ZNF454: variants seen among roughly 807,000 people sequenced by gnomAD.
The protein encoded by ZNF454 is zinc finger protein 454.
Under a neutral mutation model 48.2 loss-of-function variants are expected in ZNF454, and 30 were observed. The observed-to-expected ratio is 0.62, with a 90% CI of 0.47 to 0.84. The LOEUF (loss-of-function observed/expected upper bound fraction) is 0.84, where lower values mean the gene tolerates loss of function less well. Among genes scored for constraint, ZNF454 ranks in the 40% least tolerant of loss-of-function variants. The pLI is 0.00. For missense variants in ZNF454, 510 were observed against 623.1 expected (o/e 0.82, Z 1.93); for synonymous variants, 204 against 211.4 (o/e 0.97, Z 0.30).
downstream of ZNF454, among the ~76,000 whole-genome samples, chr5:178,967,939 C>T (rs758213878): frequency 1.3e-5 from 2 of 151,960 alleles, no homozygotes; most frequent in African/African-American, 2.4e-5. Context: ...TGGGGTTTCA[C>T]TATGTTGGCC....
At chr5:178,985,776 T>G in the ZNF454 span, 1 of 485,182 alleles carries the variant, frequency 2.1e-6, no homozygotes, top group Non-Finnish European at 4.0e-6. Flanking sequence ...TATCTTTTTG[T>G]TTTGAGACAG....
the ZNF454 span, chr5:178,981,420 TCCCAC>T: frequency 1.9e-6 from 1 of 519,992 alleles, no homozygotes; most frequent in Non-Finnish European, 3.5e-6. This position sits in a 1 kb window ranked among gnomAD's most constrained non-coding sequence, Gnocchi z 5.1. Flanking sequence ...GGTGGCTGTT[TCCCAC>T]CATGGGAAGC....
chr5:178,989,428 A>G, the ZNF454 span: 1 of 1,613,104 alleles, frequency 6.2e-7, no homozygotes, highest in Admixed American at 1.7e-5. Context: ...AAGAAGGGGG[A>G]GGGTGGCGCT....
the ZNF454 span, chr5:178,989,206 T>TCACCCCCCCCCCCCCCCC: frequency 9.2e-6 from 2 of 218,520 alleles, no homozygotes; most frequent in Non-Finnish European, 6.5e-6. Context: ...GCCTTCCCCC[T>TCACCCCCCCCCCCCCCCC]CCCCACCCTC....
downstream of ZNF454, among the ~76,000 whole-genome samples, chr5:178,970,453 G>A (rs188586297): frequency 2.1e-4 from 32 of 152,242 alleles, no homozygotes; most frequent in Middle Eastern, 3.4e-3. Flanking sequence ...ACCTCTCGGC[G>A]GTGCTGATGG....
chr5:178,969,676 C>T (rs1241008537), downstream of ZNF454: 2 of 456,576 alleles, frequency 4.4e-6, no homozygotes, highest in East Asian at 7.0e-5. Context: ...CCGCCCCTCA[C>T]CTGGGCCATA....
At chr5:178,955,937 GT>G (rs1759729983) in intron 4 of ZNF454, among the ~76,000 whole-genome samples, 1 of 152,142 alleles carries the variant, frequency 6.6e-6, no homozygotes, top group African/African-American at 2.4e-5. Flanking sequence ...CCTGGGCTCT[GT>G]TTTGCTCCTG....
the ZNF454 span, chr5:178,983,524 C>G: frequency 3.4e-6 from 2 of 592,916 alleles, no homozygotes; most frequent in South Asian, 3.1e-5. Context: ...TTGGTGTCCT[C>G]TTCCTGCATT....
chr5:178,969,803 A>G, downstream of ZNF454: 1 of 365,886 alleles, frequency 2.7e-6, no homozygotes, highest in Non-Finnish European at 5.4e-6. Context: ...ATTGGCATCT[A>G]GACTGATAGG....
the ZNF454 span, among the ~76,000 whole-genome samples, chr5:178,974,656 G>A: frequency 6.6e-6 from 1 of 152,144 alleles, no homozygotes. Flanking sequence ...GCATGAGAGA[G>A]AGGTTCATTG....
At chr5:178,947,574 C>A (rs927962524) in intron 4 of ZNF454, among the ~76,000 whole-genome samples, 4 of 152,136 alleles carry the variant, frequency 2.6e-5, no homozygotes, top group African/African-American at 9.7e-5. Context: ...TGCTTGGCAC[C>A]TAGTAAGTGG....
At chr5:178,971,624 A>G in the ZNF454 span, among the ~76,000 whole-genome samples, 149,464 of 151,396 alleles carry the variant, frequency 0.99, 73,817 homozygotes, top group South Asian at 1. Flanking sequence ...AGAGACGGGC[A>G]GATCACGAGG....
At chr5:178,981,710 T>G in the ZNF454 span, 3 of 1,613,936 alleles carry the variant, frequency 1.9e-6, no homozygotes, top group African/African-American at 4.0e-5. The surrounding 1 kb of genome is among the most constrained non-coding windows in gnomAD (Gnocchi z 5.1). Context: ...ACCGTGGAGG[T>G]GGCCTTGAGG....
At position 178,946,253 on chromosome 5, in the gene ZNF454, G is replaced by A; in HGVS notation, c.34-106G>A. The A allele has an allele frequency of 1.3e-6, 2 of 1,488,470 alleles. No homozygotes were observed. Among genetic ancestry groups the A allele is most frequent in the Admixed American group, 2.2e-5 (1 of 45,778 alleles). 92.2% of individuals were successfully genotyped at this position (1,488,470 alleles called of 1,614,324 possible). A position where few individuals can be genotyped will look rare whatever the true frequency, so the allele number is the denominator to read the frequency against. On this transcript the variant is annotated intron_variant, in intron 2 of 4. Transcript: ENST00000519564. This position sits in a 1 kb window ranked among gnomAD's most constrained non-coding sequence, Gnocchi z 4.5. ...CAGAACGCCAGCTCCCTGTGTGCCA[G>A]CAGTCCTGTAAATGCGCACAAGCTC...
chr5:178,942,248 T>C (rs541519109), intron 1 of ZNF454, among the ~76,000 whole-genome samples: 2 of 152,088 alleles, frequency 1.3e-5, no homozygotes, highest in Admixed American at 1.3e-4. Flanking sequence ...CTACTAAAAA[T>C]ATAAAAAATT....
intron 4 of ZNF454, among the ~76,000 whole-genome samples, chr5:178,957,119 T>C (rs1249629207): frequency 1.3e-5 from 2 of 151,922 alleles, no homozygotes; most frequent in African/African-American, 4.8e-5. Context: ...CTTGACCTCG[T>C]GATCCGCCCA....
chr5:178,971,845 C>A, the ZNF454 span, among the ~76,000 whole-genome samples: 280 of 29,690 alleles, frequency 9.4e-3, 1 homozygote, highest in Non-Finnish European at 0.015. Context: ...AGCGAGACTC[C>A]ATCTGAAAAA....
intron 4 of ZNF454, among the ~76,000 whole-genome samples, chr5:178,948,348 A>G (rs1759418567): frequency 6.6e-6 from 1 of 152,238 alleles, no homozygotes; most frequent in Admixed American, 6.5e-5. Context: ...TTTATTCTGT[A>G]TTATACAAAT....
chr5:178,945,969 C>T (rs995315034), intron 2 of ZNF454, among the ~76,000 whole-genome samples: 12 of 152,020 alleles, frequency 7.9e-5, no homozygotes, highest in African/African-American at 2.4e-4. Flanking sequence ...GGGAAGGCTG[C>T]GCTGAGCGAG....
Sources: gnomAD v4.1 joint callset for allele counts (sites outside exome capture counted in the v4.1 genomes callset) on GRCh38, gnomAD v4.1.1 for gene constraint, Gnocchi (gnomAD v3.1) non-coding constraint, MANE v1.5 for transcripts, NCBI Gene and HGNC (gene_info 2026-07-23, HGNC 2026-07-21) for gene names.